The following KSR2 variants were observed in gnomAD, a reference collection of about 807,000 sequenced individuals.
KSR2 encodes the protein kinase suppressor of ras 2.
Under a neutral mutation model 107.8 loss-of-function variants are expected in KSR2, and 25 were observed. The observed-to-expected ratio is 0.23, with a 90% confidence interval of 0.17 to 0.32. The LOEUF (loss-of-function observed/expected upper bound fraction) is 0.32, where lower values mean the gene tolerates loss of function less well. Ranked by LOEUF, KSR2 falls within the 10% of genes least tolerant of loss-of-function variation. KSR2 has a pLI of 1.00. For missense variants in KSR2, 887 were observed against 1,268.9 expected, an observed-to-expected ratio of 0.70 and a Z score of 4.57; for synonymous variants, 480 against 507.0, an observed-to-expected ratio of 0.95 and a Z score of 0.71.
At chr12:117,469,873 C>T (rs1871332849) in intron 18 of KSR2, 78 bp from the exon 19 acceptor site, 1 of 1,466,760 alleles carries the variant, frequency 6.8e-7, no homozygotes, top group Non-Finnish European at 9.4e-7. Flanking sequence ...TTTGGTCTGC[C>T]AATTTGTCCA....
chr12:117,780,526 G>T (rs1889846783), intron 3 of KSR2, among the ~76,000 whole-genome samples: 1 of 152,152 alleles, frequency 6.6e-6, no homozygotes, highest in East Asian at 1.9e-4. Context: ...TATAAAGACA[G>T]AAGGAAGAAT....
chr12:117,716,846 A>G (rs934858107), intron 4 of KSR2, among the ~76,000 whole-genome samples: 3 of 152,158 alleles, frequency 2.0e-5, no homozygotes, highest in African/African-American at 4.8e-5. Flanking sequence ...AGTGCCTGGG[A>G]AAAAAATCTA....
intron 9 of KSR2, among the ~76,000 whole-genome samples, chr12:117,552,726 C>A (rs552076419): frequency 6.6e-6 from 1 of 152,340 alleles, no homozygotes; most frequent in East Asian, 1.9e-4. Context: ...GCAGGCCATG[C>A]AGTCTCTGTC....
intron 14 of KSR2, among the ~76,000 whole-genome samples, chr12:117,502,264 T>C (rs1011863716): frequency 6.6e-6 from 1 of 152,224 alleles, no homozygotes; most frequent in African/African-American, 2.4e-5. Context: ...CTCACGTGTG[T>C]AGGGGTCTTT....
chr12:117,966,903 T>A (rs933659616), intron 1 of KSR2, among the ~76,000 whole-genome samples: 1 of 152,086 alleles, frequency 6.6e-6, no homozygotes, highest in African/African-American at 2.4e-5. Context: ...AAGATGAACG[T>A]CTCAGTACTG....
At position 117,777,088 on chromosome 12, in the gene KSR2, T is replaced by TTA. The variant is rs1288633301; in HGVS notation, c.473-15566_473-15565dup. On this transcript the variant is annotated intron_variant, in intron 3 of 19. Coordinates refer to ENST00000339824, the MANE Select transcript of KSR2 (RefSeq NM_173598.6). ...AGACACTGTATTTAATATATATATT[T>TTA]TATATATATATATATATATACACAC... Among the ~76,000 whole-genome samples, 730 of 132,506 alleles carry TTA rather than the reference T, an allele frequency of 5.5e-3. 6 individuals carry two copies. Among genetic ancestry groups the TTA allele is most frequent in the African/African-American group, 8.9e-3 (285 of 32,180 alleles). 86.9% of individuals were successfully genotyped at this position (132,506 alleles called of 152,430 possible). A position where few individuals can be genotyped will look rare whatever the true frequency, so the allele number is the denominator to read the frequency against.
chr12:117,681,795 T>A (rs184896584), intron 4 of KSR2, among the ~76,000 whole-genome samples: 42 of 152,078 alleles, frequency 2.8e-4, no homozygotes, highest in Non-Finnish European at 7.4e-5. Context: ...GGGGGAGAAA[T>A]AGAAACACTT....
chr12:117,866,011 A>G (rs1893454143), intron 1 of KSR2, among the ~76,000 whole-genome samples: 1 of 149,602 alleles, frequency 6.7e-6, no homozygotes, highest in Non-Finnish European at 1.5e-5. Context: ...CAACTCTCTA[A>G]CCTCTGTAAC....
intron 1 of KSR2, among the ~76,000 whole-genome samples, chr12:117,870,157 G>T (rs977013179): frequency 2.6e-5 from 4 of 152,162 alleles, no homozygotes; most frequent in African/African-American, 9.7e-5. Flanking sequence ...CAGAGAGAGG[G>T]CCTTATTCAT....
At chr12:117,675,418 T>C (rs140879676) in intron 4 of KSR2, among the ~76,000 whole-genome samples, 12 of 152,342 alleles carry the variant, frequency 7.9e-5, no homozygotes, top group African/African-American at 2.6e-4. Flanking sequence ...TCCCAGTTAA[T>C]TCCCAAGTAA....
intron 4 of KSR2, among the ~76,000 whole-genome samples, chr12:117,679,048 G>A (rs1180050324): frequency 1.3e-5 from 2 of 152,132 alleles, no homozygotes; most frequent in East Asian, 1.9e-4. Context: ...AAGGCACATG[G>A]CCCAAACTCT....
intron 4 of KSR2, among the ~76,000 whole-genome samples, chr12:117,707,397 G>T (rs913941430): frequency 6.6e-6 from 1 of 152,102 alleles, no homozygotes; most frequent in Non-Finnish European, 1.5e-5. Flanking sequence ...TGAATTGTGT[G>T]GTGTGCAAAC....
chr12:117,684,122 C>T (rs1293168412), intron 4 of KSR2, among the ~76,000 whole-genome samples: 3 of 152,178 alleles, frequency 2.0e-5, no homozygotes, highest in African/African-American at 7.2e-5. Context: ...CCTGGCTCCC[C>T]TAGAGCCCTC....
In KSR2 at chr12:117,754,637, C is replaced by CA. The variant is rs71450230; in HGVS notation, c.986+6373dup. On this transcript the variant is annotated intron_variant, in intron 4 of 19. Transcript: ENST00000339824. ...TGGACAACAGAGTGAGGCTCCATCTCAAAAAAAAAAAAAATTAGCTTGGGG... is the reference window on the plus strand; with the variant it reads ...TGGACAACAGAGTGAGGCTCCATCTCAAAAAAAAAAAAAAATTAGCTTGGGG... 7.5e-3 allele frequency among the ~76,000 whole-genome samples: 1,042 copies of CA among 139,124 alleles called. 13 individuals carry two copies. The highest frequency in any genetic ancestry group is 0.021 in the African/African-American group (803 of 37,924). 91.3% of individuals were successfully genotyped at this position (139,124 alleles called of 152,430 possible).
intron 3 of KSR2, among the ~76,000 whole-genome samples, chr12:117,833,047 C>T (rs550853835): frequency 1.3e-5 from 2 of 150,394 alleles, no homozygotes; most frequent in African/African-American, 4.9e-5. Context: ...GTGGTGGAGG[C>T]GGGAAGGTGG....
chr12:117,794,530 C>T (rs1414959351), intron 3 of KSR2, among the ~76,000 whole-genome samples: 1 of 142,450 alleles, frequency 7.0e-6, no homozygotes, highest in Non-Finnish European at 1.5e-5. Context: ...CCAACATGCA[C>T]ACACAACATG....
intron 1 of KSR2, among the ~76,000 whole-genome samples, chr12:117,952,984 CAAAAAAAAA>C (rs33941668): frequency 2.0e-5 from 2 of 100,826 alleles, no homozygotes; most frequent in African/African-American, 4.1e-5. Context: ...GACTCCATCT[CAAAAAAAAA>C]AAAAAAAAAA....
At chr12:117,709,423 A>T (rs1458989672) in intron 4 of KSR2, among the ~76,000 whole-genome samples, 13 of 152,170 alleles carry the variant, frequency 8.5e-5, no homozygotes, top group African/African-American at 3.1e-4. Context: ...TCCCGGGCTC[A>T]AGTGATCCTC....
intron 1 of KSR2, among the ~76,000 whole-genome samples, chr12:117,959,813 C>T (rs1896609412): frequency 6.6e-6 from 1 of 151,980 alleles, no homozygotes; most frequent in South Asian, 2.1e-4. Context: ...CATCTGCAGT[C>T]CCCGCTACTT....
Sources: allele counts gnomAD v4.1 joint callset (sites outside exome capture counted in the v4.1 genomes callset), GRCh38; gene constraint gnomAD v4.1.1; transcripts MANE v1.5; gene names NCBI Gene and HGNC (gene_info 2026-07-23, HGNC 2026-07-21).